NALF1: variants seen among roughly 807,000 people sequenced by gnomAD.
NALF1 encodes NALCN channel auxiliary factor 1, also known as family with sequence similarity 155 member A.
In NALF1, 3 loss-of-function variants were observed where a neutral mutation model predicts 48.4. The observed-to-expected ratio is 0.06, with a 90% confidence interval of 0.03 to 0.16. The LOEUF is 0.16. NALF1 is among the 10% of genes least tolerant of loss of function. The probability of loss-of-function intolerance (pLI) is 1.00; values close to 1 mark genes in which losing one functional copy is unlikely to be tolerated. For synonymous variants in NALF1, 262 were observed against 245.7 expected (o/e 1.07, Z -0.62); for missense variants, 526 against 571.5 (o/e 0.92, Z 0.81).
At chr13:107,275,973 A>C (rs1229852506) in intron 1 of NALF1, among the ~76,000 whole-genome samples, 1 of 152,070 alleles carries the variant, frequency 6.6e-6, no homozygotes, top group African/African-American at 2.4e-5. Context: ...GAGCTGCTCA[A>C]CTGGGGGGTC....
chr13:107,848,252 A>G (rs575729383), intron 1 of NALF1, among the ~76,000 whole-genome samples: 57 of 152,156 alleles, frequency 3.7e-4, no homozygotes, highest in Non-Finnish European at 7.1e-4. Flanking sequence ...ACTCTTTACA[A>G]TGTTCAAAAG....
chr13:107,370,734 A>G (rs1883235459), intron 1 of NALF1, among the ~76,000 whole-genome samples: 2 of 152,262 alleles, frequency 1.3e-5, no homozygotes, highest in South Asian at 4.2e-4. Context: ...TGGATATTTT[A>G]TTTTATAAAA....
intron 2 of NALF1, 124 bp downstream of exon 2, chr13:107,210,460 C>T (rs1352956374): frequency 5.8e-6 from 4 of 686,200 alleles, no homozygotes; most frequent in East Asian, 2.6e-5. Flanking sequence ...AGTGAAAGTG[C>T]GGAAAACTAC....
chr13:107,822,563 A>G (rs979198840), intron 1 of NALF1, among the ~76,000 whole-genome samples: 11 of 152,226 alleles, frequency 7.2e-5, no homozygotes, highest in Non-Finnish European at 1.3e-4. Context: ...CTGCTTTATC[A>G]TATAAGCAGG....
At chr13:107,170,872 C>A in intron 2 of NALF1, 86 bp from the exon 3 acceptor site, 2 of 1,258,446 alleles carry the variant, frequency 1.6e-6, no homozygotes, top group Non-Finnish European at 2.2e-6. Context: ...AACATTCTAA[C>A]CCACAAAATC....
At chr13:107,446,470 T>C (rs191625278) in intron 1 of NALF1, among the ~76,000 whole-genome samples, 1 of 152,040 alleles carries the variant, frequency 6.6e-6, no homozygotes, top group Admixed American at 6.6e-5. Flanking sequence ...CCCTGTATGA[T>C]ACTGTGCTCG....
chr13:107,364,876 A>G, intron 1 of NALF1, among the ~76,000 whole-genome samples: 1 of 151,410 alleles, frequency 6.6e-6, no homozygotes, highest in African/African-American at 2.4e-5. Context: ...TCTGTGAACA[A>G]CTTCTTTTTC....
At chr13:107,194,966 C>G (rs1020878123) in intron 2 of NALF1, among the ~76,000 whole-genome samples, 1 of 152,116 alleles carries the variant, frequency 6.6e-6, no homozygotes, top group Admixed American at 6.6e-5. Flanking sequence ...ATAAGAAAAC[C>G]TGCTCAACAT....
intron 1 of NALF1, among the ~76,000 whole-genome samples, chr13:107,825,829 G>A (rs1019725785): frequency 5.9e-5 from 9 of 152,218 alleles, no homozygotes; most frequent in African/African-American, 2.2e-4. Context: ...CACCCAGGCT[G>A]GAGTGCAATG....
In NALF1 at chr13:107,539,674, T is replaced by A. The variant is rs111550001; in HGVS notation, c.915+326008A>T. On this transcript the variant is annotated intron_variant, in intron 1 of 2. Transcript: ENST00000375915. ...AGTATAAAATACACAAAATATTTTATATAGAGTTAATTAAATGACTGTGTT... is the reference window on the plus strand; with the variant it reads ...AGTATAAAATACACAAAATATTTTAAATAGAGTTAATTAAATGACTGTGTT... Among the ~76,000 whole-genome samples the A allele has an allele frequency of 8.5e-3, 1,296 of 152,290 alleles. 9 individuals carry two copies. Among genetic ancestry groups the A allele is most frequent in the Non-Finnish European group, 0.014 (963 of 68,022 alleles).
At chr13:107,395,205 G>A (rs1883691785) in intron 1 of NALF1, among the ~76,000 whole-genome samples, 1 of 152,054 alleles carries the variant, frequency 6.6e-6, no homozygotes, top group Non-Finnish European at 1.5e-5. Context: ...GTTGACAGGT[G>A]ATTTTTTAAA....
At chr13:107,459,546 C>T (rs1220976567) in intron 1 of NALF1, among the ~76,000 whole-genome samples, 1 of 151,960 alleles carries the variant, frequency 6.6e-6, no homozygotes, top group African/African-American at 2.4e-5. Context: ...ATAATATTGT[C>T]CTGCAGTATT....
At chr13:107,836,284 C>G (rs1443062167) in intron 1 of NALF1, among the ~76,000 whole-genome samples, 1 of 152,144 alleles carries the variant, frequency 6.6e-6, no homozygotes, top group Non-Finnish European at 1.5e-5. Context: ...AGCCACCATG[C>G]CTGGCCTAGT....
At chr13:107,862,073 T>C (rs1245474134) in intron 1 of NALF1, among the ~76,000 whole-genome samples, 1 of 152,168 alleles carries the variant, frequency 6.6e-6, no homozygotes, top group African/African-American at 2.4e-5. Context: ...AAAATTACAA[T>C]TTATACTGAG....
chr13:107,525,080 A>G (rs10492713), intron 1 of NALF1, among the ~76,000 whole-genome samples: 5,508 of 152,194 alleles, frequency 0.036, 176 homozygotes, highest in African/African-American at 0.085. Flanking sequence ...GGCAAATCTC[A>G]AACATTTCAA....
At chr13:107,520,316 T>C (rs1222768462) in intron 1 of NALF1, among the ~76,000 whole-genome samples, 3 of 152,258 alleles carry the variant, frequency 2.0e-5, no homozygotes, top group Non-Finnish European at 2.9e-5. Flanking sequence ...ATTGAAAGAG[T>C]ACAAATGAAT....
Position 107,609,645 on chromosome 13 carries a change from T to C in NALF1, c.915+256037A>G, listed in dbSNP as rs1879171248. 2.0e-5 allele frequency among the ~76,000 whole-genome samples: 3 copies of C among 152,206 alleles called. No homozygotes were observed. The South Asian group carries it at 6.2e-4, about 31-fold the overall frequency. On this transcript the variant is annotated intron_variant, in intron 1 of 2. Transcript: ENST00000375915. The stretch of plus-strand genomic sequence containing the variant: ...CCGCAAGTGACAGACGTGTTGTTTT[T>C]AACAGTATTATTAGGTTATGATTAA...
In NALF1 at chr13:107,500,869, G is replaced by A. The variant is rs370723965; in HGVS notation, c.916-290114C>T. Among the ~76,000 whole-genome samples the A allele has an allele frequency of 1.5e-3, 224 of 151,002 alleles. 2 individuals are homozygous for A. In the Middle Eastern group the frequency reaches 0.027, roughly 18 times the overall value. ...TATTGCAAGAACAAAAAACCAAACCGCATATTCTCACTCATAGGTGGGAAC... is the reference window on the plus strand; with the variant it reads ...TATTGCAAGAACAAAAAACCAAACCACATATTCTCACTCATAGGTGGGAAC... On this transcript the variant is annotated intron_variant, in intron 1 of 2. Transcript: ENST00000375915.
intron 1 of NALF1, among the ~76,000 whole-genome samples, chr13:107,769,949 G>A (rs1251734216): frequency 6.6e-6 from 1 of 152,108 alleles, no homozygotes; most frequent in African/African-American, 2.4e-5. Flanking sequence ...GTCTCGCTCT[G>A]TCACCCAGGC....
Sources: allele counts gnomAD v4.1 joint callset (sites outside exome capture counted in the v4.1 genomes callset), GRCh38; gene constraint gnomAD v4.1.1; transcripts MANE v1.5; gene names NCBI Gene and HGNC (gene_info 2026-07-23, HGNC 2026-07-21).